Variants in ARHGAP26 observed in about 807,000 individuals in gnomAD.
ARHGAP26 encodes Rho GTPase activating protein 26.
A neutral mutation model predicts 104.8 loss-of-function variants in ARHGAP26; 38 were observed. The observed-to-expected ratio is 0.36, with a 90% CI of 0.28 to 0.48. ARHGAP26 has a LOEUF of 0.48. ARHGAP26 is among the 20% of genes least tolerant of loss of function. The pLI, the probability that ARHGAP26 is intolerant of heterozygous loss-of-function variation, is 0.99. For synonymous variants in ARHGAP26, 341 were observed against 340.0 expected (o/e 1.00, Z -0.03); for missense variants, 704 against 947.9 (o/e 0.74, Z 3.38).
chr5:142,967,440 C>T (rs761240827), intron 11 of ARHGAP26, among the ~76,000 whole-genome samples: 22 of 152,136 alleles, frequency 1.4e-4, no homozygotes, highest in Non-Finnish European at 2.5e-4. Context: ...TCATCACTAA[C>T]GGATGGATGG....
intron 6 of ARHGAP26, among the ~76,000 whole-genome samples, chr5:142,896,211 G>A (rs1410352485): frequency 1.3e-5 from 2 of 152,216 alleles, no homozygotes; most frequent in Non-Finnish European, 2.9e-5. Context: ...TTTGCCTTTA[G>A]CATTATTTTT....
intron 20 of ARHGAP26, among the ~76,000 whole-genome samples, chr5:143,179,090 G>C (rs1388445921): frequency 6.6e-6 from 1 of 152,092 alleles, no homozygotes; most frequent in Non-Finnish European, 1.5e-5. Context: ...GGCTGCTCTT[G>C]AACTCCTGAC....
In ARHGAP26 at chr5:143,222,407, G is replaced by A; in HGVS notation, c.2241G>A (p.Lys747=). 1 of 1,606,696 alleles carries A rather than the reference G, an allele frequency of 6.2e-7. No individual in the cohort carries two copies. The highest frequency in any genetic ancestry group is 8.5e-7 in the Non-Finnish European group (1 of 1,174,658). The change falls in exon 23 of 23, where the codon AAG becomes AAA. Residue 747 remains lysine, a synonymous_variant. Coordinates refer to ENST00000645722, the MANE Select transcript of ARHGAP26 (RefSeq NM_001135608.3). ...GGTTGGAGGGGACTCTGAACGGAAA[G>A]ACTGGCCTCATCCCTGAGAATTACG... The part of the protein sequence containing the change: ...PGWLEGTLNG[K]TGLIPENYVE...
chr5:142,884,901 A>T (rs1436823519), intron 4 of ARHGAP26, among the ~76,000 whole-genome samples: 1 of 152,164 alleles, frequency 6.6e-6, no homozygotes, highest in Admixed American at 6.5e-5. Context: ...AGCTGTGAGG[A>T]TATCTTCCTT....
chr5:143,158,284 C>A (rs1371586672), intron 20 of ARHGAP26, among the ~76,000 whole-genome samples: 2 of 151,892 alleles, frequency 1.3e-5, no homozygotes, highest in East Asian at 3.8e-4. Flanking sequence ...ATTAAAATAC[C>A]CCAAATTAAA....
intron 18 of ARHGAP26, among the ~76,000 whole-genome samples, chr5:143,130,548 G>T (rs1402604821): frequency 6.6e-6 from 1 of 152,154 alleles, no homozygotes; most frequent in Non-Finnish European, 1.5e-5. Context: ...CCGTCATTCA[G>T]CAGGGTTGTT....
intron 7 of ARHGAP26, 39 bp downstream of exon 7, chr5:142,902,078 A>C: frequency 6.4e-7 from 1 of 1,569,206 alleles, no homozygotes; most frequent in Non-Finnish European, 8.7e-7. Context: ...TATCTGGTTA[A>C]GGAAAAACAA....
chr5:142,887,490 G>A (rs544235967), intron 5 of ARHGAP26, among the ~76,000 whole-genome samples: 66 of 152,194 alleles, frequency 4.3e-4, no homozygotes, highest in African/African-American at 1.3e-3. Context: ...GGCCTGTTCC[G>A]CTCCATTTTC....
chr5:142,950,064 A>G (rs777100251), intron 11 of ARHGAP26, among the ~76,000 whole-genome samples: 1 of 152,212 alleles, frequency 6.6e-6, no homozygotes, highest in Non-Finnish European at 1.5e-5. Context: ...AGCTGAGTGC[A>G]TCTTTCTGAT....
chr5:142,965,050 G>T (rs1024792491), intron 11 of ARHGAP26, among the ~76,000 whole-genome samples: 9 of 152,206 alleles, frequency 5.9e-5, no homozygotes, highest in African/African-American at 2.2e-4. Flanking sequence ...GCCCTTCCCT[G>T]CCTGGCAGCC....
chr5:142,837,744 C>T (rs1277041005), intron 1 of ARHGAP26, among the ~76,000 whole-genome samples: 1 of 152,182 alleles, frequency 6.6e-6, no homozygotes, highest in Non-Finnish European at 1.5e-5. Context: ...GATTCTGGAT[C>T]GTCAGCCTTG....
chr5:143,052,769 T>A (rs1207544741), intron 14 of ARHGAP26, among the ~76,000 whole-genome samples: 1 of 152,208 alleles, frequency 6.6e-6, no homozygotes. Flanking sequence ...TGAAAGTGGT[T>A]TCTTTCCCAG....
chr5:142,851,466 A>G (rs1341122537), intron 1 of ARHGAP26, among the ~76,000 whole-genome samples: 1 of 152,224 alleles, frequency 6.6e-6, no homozygotes, highest in Non-Finnish European at 1.5e-5. Flanking sequence ...TTATTCTACC[A>G]TATCCAGGCT....
At chr5:143,182,943 T>C (rs1012371466) in intron 20 of ARHGAP26, among the ~76,000 whole-genome samples, 11 of 152,110 alleles carry the variant, frequency 7.2e-5, no homozygotes, top group Admixed American at 2.0e-4. Context: ...GTGCTACCAG[T>C]TGGGAAGTGC....
chr5:142,974,659 T>C (rs1005643916), intron 11 of ARHGAP26, among the ~76,000 whole-genome samples: 34 of 152,240 alleles, frequency 2.2e-4, no homozygotes, highest in African/African-American at 7.5e-4. Context: ...GCCTTCTGAC[T>C]GCAGGGCTCC....
chr5:143,217,240 G>T (rs1810474879), intron 22 of ARHGAP26, among the ~76,000 whole-genome samples: 1 of 152,142 alleles, frequency 6.6e-6, no homozygotes, highest in Non-Finnish European at 1.5e-5. Context: ...TAATCTTGAA[G>T]CCTTTGGATT....
intron 1 of ARHGAP26, among the ~76,000 whole-genome samples, chr5:142,845,161 A>T (rs1400363280): frequency 6.6e-6 from 1 of 152,186 alleles, no homozygotes; most frequent in Non-Finnish European, 1.5e-5. Context: ...TCTCTTCCTC[A>T]GTTGGGTTAT....
chr5:143,007,114 G>A (rs145993863), intron 11 of ARHGAP26, among the ~76,000 whole-genome samples: 3,682 of 146,490 alleles, frequency 0.025, 62 homozygotes, highest in Middle Eastern at 0.053. Context: ...TGAATCGCTT[G>A]AACCCAGGAG....
chr5:143,037,140 T>C (rs1782780210), intron 12 of ARHGAP26, 56 bp from the exon 13 acceptor site: 2 of 1,486,506 alleles, frequency 1.3e-6, no homozygotes, highest in Non-Finnish European at 1.9e-6. Context: ...TTAAGCCCTA[T>C]CCTGAGGTTG....
Sources: allele counts gnomAD v4.1 joint callset (sites outside exome capture counted in the v4.1 genomes callset), GRCh38; gene constraint gnomAD v4.1.1; transcripts MANE v1.5; gene names NCBI Gene and HGNC (gene_info 2026-07-23, HGNC 2026-07-21).